SMG6: variants seen among roughly 807,000 people sequenced by gnomAD.
SMG6 encodes the protein SMG6 nonsense mediated mRNA decay factor, also known as telomerase-binding protein EST1A.
SMG6 carries 66 observed loss-of-function variants against 142.2 expected under a neutral mutation model. The ratio of observed to expected loss-of-function variants is 0.46; its 90% CI spans 0.38 to 0.57. The LOEUF is 0.57. Among genes scored for constraint, SMG6 ranks in the 20% least tolerant of loss-of-function variants. SMG6 has a pLI of 0.00. For missense variants in SMG6, 1,793 were observed against 1,832.0 expected (o/e 0.98, Z 0.39); for synonymous variants, 779 against 702.4 (o/e 1.11, Z -1.72).
chr17:2,290,520 C>G (rs977898240), intron 6 of SMG6, among the ~76,000 whole-genome samples: 2 of 152,136 alleles, frequency 1.3e-5, no homozygotes, highest in Admixed American at 6.5e-5. Context: ...GAAAATAACA[C>G]AACATTAAGC....
intron 10 of SMG6, among the ~76,000 whole-genome samples, chr17:2,208,192 G>C (rs1348135129): frequency 6.6e-6 from 1 of 152,084 alleles, no homozygotes; most frequent in African/African-American, 2.4e-5. Flanking sequence ...ACAGTCAAGA[G>C]ACAAAATAGC....
intron 10 of SMG6, among the ~76,000 whole-genome samples, chr17:2,219,726 G>T (rs1053431467): frequency 1.3e-5 from 2 of 149,492 alleles, no homozygotes; most frequent in African/African-American, 4.9e-5. Context: ...GAAGAAGCTT[G>T]AGGCTGCAGT....
intron 8 of SMG6, among the ~76,000 whole-genome samples, chr17:2,270,780 A>AG (rs1947711377): frequency 6.6e-6 from 1 of 152,230 alleles, no homozygotes; most frequent in Admixed American, 6.5e-5. Context: ...TTCCATGCCC[A>AG]GGGGGCGTCA....
At chr17:2,108,403 G>A (rs189772163) in intron 13 of SMG6, among the ~76,000 whole-genome samples, 8 of 152,298 alleles carry the variant, frequency 5.3e-5, no homozygotes, top group East Asian at 1.9e-4. Flanking sequence ...GGTAACTTGA[G>A]GTCAGGTGTT....
At chr17:2,185,707 G>A (rs942349655) in intron 12 of SMG6, among the ~76,000 whole-genome samples, 8 of 151,264 alleles carry the variant, frequency 5.3e-5, no homozygotes, top group African/African-American at 1.9e-4. Flanking sequence ...GAGGGTGAGG[G>A]CAGAGGCATG....
At position 2,211,683 on chromosome 17, in the gene SMG6, A is replaced by AAAG. The variant is rs1555555718; in HGVS notation, c.2870-23169_2870-23168insCTT. Among the ~76,000 whole-genome samples, 182 of 144,520 alleles carry AAAG rather than the reference A, an allele frequency of 1.3e-3. 3 individuals are homozygous for AAAG. In the East Asian group the frequency reaches 0.035, roughly 28 times the overall value. 94.8% of individuals were successfully genotyped at this position (144,520 alleles called of 152,430 possible). On this transcript the variant is annotated intron_variant, in intron 10 of 18. Transcript: ENST00000263073. ...CATCTAATTAAAAAAAAAAAAAAAA[A>AAAG]GGGCGTTCTTTGACCTTCAGTCTTG...
chr17:2,289,291 C>G (rs1004927044), intron 6 of SMG6, among the ~76,000 whole-genome samples: 1 of 151,950 alleles, frequency 6.6e-6, no homozygotes, highest in South Asian at 2.1e-4. Context: ...AGCAGTGACT[C>G]ATGCCTGTAA....
chr17:2,205,952 A>G (rs2072666996), intron 10 of SMG6, among the ~76,000 whole-genome samples: 1 of 151,920 alleles, frequency 6.6e-6, no homozygotes, highest in African/African-American at 2.4e-5. Context: ...GGGACTACAG[A>G]TGTGTGCCAC....
At chr17:2,194,159 C>G (rs146763302) in intron 10 of SMG6, among the ~76,000 whole-genome samples, 46 of 152,194 alleles carry the variant, frequency 3.0e-4, no homozygotes, top group African/African-American at 1.1e-3. Context: ...GCAGGGGGGA[C>G]CACATGTACT....
intron 10 of SMG6, among the ~76,000 whole-genome samples, chr17:2,213,391 G>A (rs1015449723): frequency 1.3e-5 from 2 of 152,210 alleles, no homozygotes; most frequent in Non-Finnish European, 2.9e-5. Context: ...TGGAGCTGTG[G>A]AGGCTGATCC....
At chr17:2,185,007 C>G (rs945790907) in intron 12 of SMG6, among the ~76,000 whole-genome samples, 1 of 133,840 alleles carries the variant, frequency 7.5e-6, no homozygotes, top group Non-Finnish European at 1.6e-5. Context: ...GATGTGGACA[C>G]AGAGACATGA....
intron 13 of SMG6, among the ~76,000 whole-genome samples, chr17:2,109,146 G>A (rs932541640): frequency 2.0e-5 from 3 of 152,128 alleles, no homozygotes; most frequent in African/African-American, 7.2e-5. Flanking sequence ...AGGTTGTCCT[G>A]GCAAAATAGC....
intron 10 of SMG6, among the ~76,000 whole-genome samples, chr17:2,195,994 TG>T (rs575546065): frequency 2.5e-4 from 38 of 152,294 alleles, no homozygotes; most frequent in African/African-American, 8.7e-4. Flanking sequence ...AGCTCAGAGA[TG>T]ATGACTGTGT....
At position 2,081,667 on chromosome 17, in the gene SMG6, T is replaced by TGAAAAACGGGTAGAGC. The variant is rs1421378549; in HGVS notation, c.3681+127_3681+142dup. ...CTGCTACCAGAATTTAGTGGTAGAGTGAAAAACGGGTAGAGCTAGAGAGAA... is the reference window on the plus strand; with the variant it reads ...CTGCTACCAGAATTTAGTGGTAGAGTGAAAAACGGGTAGAGCGAAAAACGGGTAGAGCTAGAGAGAA... On this transcript the variant is annotated intron_variant, in intron 15 of 18. Coordinates refer to ENST00000263073, the MANE Select transcript of SMG6 (RefSeq NM_017575.5). 10 of 998,336 alleles carry TGAAAAACGGGTAGAGC rather than the reference T, an allele frequency of 1.0e-5. No individual in the cohort carries two copies. The East Asian group carries it at 2.4e-4, about 24-fold the overall frequency. 61.8% of individuals were successfully genotyped at this position (998,336 alleles called of 1,614,324 possible).
rs184400346 is a variant in SMG6, at chr17:2,301,571, G to A, written c.89-907C>T. On this transcript the variant is annotated intron_variant, in intron 1 of 18. Coordinates refer to ENST00000263073, the MANE Select transcript of SMG6 (RefSeq NM_017575.5). Reference sequence around the variant, plus strand: ...TTAGAAACCACTCTCGGCCGGGCGCGGTGGGTCACGCCTGTAATCCCAGCA... The same window carrying A: ...TTAGAAACCACTCTCGGCCGGGCGCAGTGGGTCACGCCTGTAATCCCAGCA... 1.8e-3 allele frequency among the ~76,000 whole-genome samples: 279 copies of A among 152,276 alleles called. 2 individuals carry two copies. Among genetic ancestry groups the A allele is most frequent in the African/African-American group, 5.8e-3 (240 of 41,542 alleles).
intron 13 of SMG6, among the ~76,000 whole-genome samples, chr17:2,143,068 A>G (rs1242867655): frequency 6.6e-6 from 1 of 152,154 alleles, no homozygotes; most frequent in Non-Finnish European, 1.5e-5. Context: ...AAAAAAAATA[A>G]TAAGTGTTAG....
At chr17:2,236,674 C>T (rs1206938507) in intron 9 of SMG6, 37 bp from the exon 10 acceptor site, 1 of 1,581,080 alleles carries the variant, frequency 6.3e-7, no homozygotes, top group African/African-American at 1.4e-5. Flanking sequence ...AGGCACCTCT[C>T]TCTTTCAGTC....
chr17:2,231,707 C>G (rs1199098315), intron 10 of SMG6, among the ~76,000 whole-genome samples: 4 of 144,568 alleles, frequency 2.8e-5, no homozygotes, highest in South Asian at 4.7e-4. Context: ...TCCCTCCCCC[C>G]ACCCAAAAAA....
At position 2,298,697 on chromosome 17, in the gene SMG6, G is replaced by A. The variant is rs551357566; in HGVS notation, c.1847+209C>T. Among the ~76,000 whole-genome samples the A allele has an allele frequency of 9.4e-5, 14 of 149,014 alleles. No homozygotes were observed. In the East Asian group the frequency reaches 1.2e-3, roughly 13 times the overall value. On this transcript the variant is annotated intron_variant, in intron 2 of 18. Coordinates refer to ENST00000263073, the MANE Select transcript of SMG6 (RefSeq NM_017575.5). The stretch of plus-strand genomic sequence containing the variant: ...CGTGCCACTGCACTCCAGCCTGGGC[G>A]ACAGAGCGAGACTCCGTCTTAAAAA...
Sources: allele counts gnomAD v4.1 joint callset (sites outside exome capture counted in the v4.1 genomes callset), GRCh38; gene constraint gnomAD v4.1.1; transcripts MANE v1.5; gene names NCBI Gene and HGNC (gene_info 2026-07-23, HGNC 2026-07-21).